The following EFHD1 variants were observed in gnomAD, a reference collection of about 807,000 sequenced individuals.
EFHD1 encodes the protein EF-hand domain-containing protein D1.
In EFHD1, 10 loss-of-function variants were observed where a neutral mutation model predicts 17.2. The observed-to-expected ratio is 0.58, with a 90% CI of 0.36 to 0.99. EFHD1 has a LOEUF of 0.99. EFHD1 is among the 50% of genes least tolerant of loss of function. EFHD1 has a pLI of 0.01. For synonymous variants in EFHD1, 153 were observed against 142.0 expected, an observed-to-expected ratio of 1.08 and a Z score of -0.55; for missense variants, 310 against 327.5, an observed-to-expected ratio of 0.95 and a Z score of 0.41.
intron 1 of EFHD1, among the ~76,000 whole-genome samples, chr2:232,627,065 T>TA (rs1553596266): frequency 0.12 from 9,332 of 76,160 alleles, 404 homozygotes; most frequent in East Asian, 0.21. Flanking sequence ...TATATATATA[T>TA]TTTTTTTTTT....
At chr2:232,674,977 C>T (rs919736241) in intron 3 of EFHD1, among the ~76,000 whole-genome samples, 1 of 151,784 alleles carries the variant, frequency 6.6e-6, no homozygotes, top group Non-Finnish European at 1.5e-5. Context: ...AATATGGTGA[C>T]CCCAGCCTGG....
Position 232,681,826 on chromosome 2 carries a change from C to T in EFHD1, c.*107C>T. The T allele has an allele frequency of 6.9e-7, 1 of 1,450,246 alleles. No individual in the cohort carries two copies. Among genetic ancestry groups the T allele is most frequent in the African/African-American group, 1.4e-5 (1 of 70,650 alleles). The allele number at this position is 1,450,246 out of a possible 1,614,324, so 89.8% of individuals were successfully genotyped here. A position where few individuals can be genotyped will look rare whatever the true frequency, so the allele number is the denominator to read the frequency against. On this transcript the variant is annotated 3_prime_UTR_variant, in exon 4 of 4. Transcript: ENST00000264059. ...GTCGGTCCCCTCCCTGAGCCAGCATCTCCATCCACCACCCCGTGCCAGCTC... is the reference window on the plus strand; with the variant it reads ...GTCGGTCCCCTCCCTGAGCCAGCATTTCCATCCACCACCCCGTGCCAGCTC...
chr2:232,656,267 C>T (rs1694760301), intron 1 of EFHD1, among the ~76,000 whole-genome samples: 1 of 152,092 alleles, frequency 6.6e-6, no homozygotes, highest in Non-Finnish European at 1.5e-5. Context: ...GTACTTGCCA[C>T]TATGATTTAT....
At chr2:232,620,358 G>C (rs1365612204) in intron 1 of EFHD1, among the ~76,000 whole-genome samples, 1 of 150,538 alleles carries the variant, frequency 6.6e-6, no homozygotes. Flanking sequence ...ACTGCAGTCC[G>C]GCCTGGGCGA....
At chr2:232,649,626 C>T (rs1248928139) in intron 1 of EFHD1, among the ~76,000 whole-genome samples, 1 of 152,174 alleles carries the variant, frequency 6.6e-6, no homozygotes, top group Non-Finnish European at 1.5e-5. Flanking sequence ...AAAATAGCCT[C>T]CTCACCGATA....
At chr2:232,613,661 TAC>T (rs141418547) in intron 1 of EFHD1, among the ~76,000 whole-genome samples, 6 of 128,726 alleles carry the variant, frequency 4.7e-5, no homozygotes, top group Non-Finnish European at 8.3e-5. Flanking sequence ...CACACACAAA[TAC>T]ACACACACAA....
chr2:232,638,726 T>C (rs1694367595), intron 1 of EFHD1, among the ~76,000 whole-genome samples: 1 of 152,146 alleles, frequency 6.6e-6, no homozygotes, highest in African/African-American at 2.4e-5. Context: ...GAAAGATGGG[T>C]GGAAATAAAA....
At chr2:232,613,625 C>CACACATAT (rs1553593998) in intron 1 of EFHD1, among the ~76,000 whole-genome samples, 7,304 of 119,866 alleles carry the variant, frequency 0.061, 203 homozygotes, top group East Asian at 0.12. Flanking sequence ...CACACACACA[C>CACACATAT]ACACACATAT....
At position 232,633,864 on chromosome 2, in the gene EFHD1, G is replaced by T; in HGVS notation, c.160G>T (p.Glu54Ter). Residue 54 changes from glutamate to a stop codon, truncating the protein, a stop_gained, in exon 1 of 4, where the codon GAG becomes TAG. Transcript: ENST00000264059. LOFTEE classifies it high-confidence loss of function. ...ARAPTASADA[E>*]LSAQLSRRLD... ...TGCGCCCACGGCCAGCGCCGACGCG[G>T]AGCTGAGCGCCCAGCTGAGCCGGCG... 1.3e-6 allele frequency: 2 copies of T among 1,520,340 alleles called. No individual in the cohort carries two copies. The highest frequency in any genetic ancestry group is 1.7e-6 in the Non-Finnish European group (2 of 1,143,082). The allele number at this position is 1,520,340 out of a possible 1,614,324, so 94.2% of individuals were successfully genotyped here. A position where few individuals can be genotyped will look rare whatever the true frequency, so the allele number is the denominator to read the frequency against.
chr2:232,621,288 G>A (rs949670828), intron 1 of EFHD1, among the ~76,000 whole-genome samples: 124 of 152,162 alleles, frequency 8.1e-4, no homozygotes, highest in African/African-American at 2.5e-3. Context: ...TCTGGTGGCT[G>A]GAACCAATTT....
chr2:232,679,196 C>A (rs1695230718), intron 3 of EFHD1, among the ~76,000 whole-genome samples: 1 of 152,066 alleles, frequency 6.6e-6, no homozygotes, highest in African/African-American at 2.4e-5. Flanking sequence ...GTTTAGAAGA[C>A]CTCCTTAAAC....
chr2:232,611,301 G>A (rs946311888), intron 1 of EFHD1, among the ~76,000 whole-genome samples: 4 of 3,028 alleles, frequency 1.3e-3, no homozygotes, highest in African/African-American at 4.9e-3. Flanking sequence ...CAAGCATCCT[G>A]GGGGTCGGGG....
intron 1 of EFHD1, among the ~76,000 whole-genome samples, chr2:232,617,450 C>A (rs1693947228): frequency 6.7e-6 from 1 of 150,008 alleles, no homozygotes; most frequent in African/African-American, 2.5e-5. Flanking sequence ...GAGATCGAGA[C>A]TATCCTGGCT....
upstream of EFHD1, among the ~76,000 whole-genome samples, chr2:232,630,423 C>CT (rs1694181831): frequency 6.6e-6 from 1 of 152,188 alleles, no homozygotes; most frequent in Admixed American, 6.5e-5. Context: ...TACTGTGGGC[C>CT]TGTGCTATTT....
At chr2:232,619,455 C>G (rs375212161) in intron 1 of EFHD1, among the ~76,000 whole-genome samples, 3 of 151,402 alleles carry the variant, frequency 2.0e-5, no homozygotes, top group African/African-American at 4.9e-5. Flanking sequence ...GGATTACAGG[C>G]GCCTGACACC....
At chr2:232,654,137 G>A (rs1418177006) in intron 1 of EFHD1, among the ~76,000 whole-genome samples, 2 of 151,088 alleles carry the variant, frequency 1.3e-5, no homozygotes, top group Admixed American at 6.6e-5. Context: ...AACCCGGGAG[G>A]CAGAAGTTGC....
chr2:232,632,661 T>C (rs1270335603), upstream of EFHD1, among the ~76,000 whole-genome samples: 4 of 152,358 alleles, frequency 2.6e-5, no homozygotes, highest in Non-Finnish European at 5.9e-5. Flanking sequence ...GGTCTCACTC[T>C]GTCGCCCAGG....
chr2:232,674,373 C>T (rs200010926), intron 3 of EFHD1, among the ~76,000 whole-genome samples: 59 of 152,298 alleles, frequency 3.9e-4, no homozygotes, highest in African/African-American at 1.1e-3. Flanking sequence ...GCTGCGTGTC[C>T]GTGTGGACAG....
upstream of EFHD1, among the ~76,000 whole-genome samples, chr2:232,629,109 A>G (rs1237306094): frequency 3.3e-5 from 5 of 152,194 alleles, no homozygotes; most frequent in East Asian, 1.9e-4. Context: ...CCTGCTTTTG[A>G]TAAGTGTATT....
Sources: gnomAD v4.1 joint callset for allele counts (sites outside exome capture counted in the v4.1 genomes callset) on GRCh38, gnomAD v4.1.1 for gene constraint, MANE v1.5 for transcripts, NCBI Gene and HGNC (gene_info 2026-07-23, HGNC 2026-07-21) for gene names.